The following CSMD2 variants were observed in gnomAD, a reference collection of about 807,000 sequenced individuals.
CSMD2 encodes the protein CUB and Sushi multiple domains 2.
Under a neutral mutation model 398.5 loss-of-function variants are expected in CSMD2, and 130 were observed. The observed-to-expected ratio is 0.33, with a 90% confidence interval of 0.28 to 0.38. The LOEUF (loss-of-function observed/expected upper bound fraction) is 0.38, where lower values mean the gene tolerates loss of function less well. CSMD2 is among the 10% of genes least tolerant of loss of function. The probability of loss-of-function intolerance (pLI) is 1.00; values close to 1 mark genes in which losing one functional copy is unlikely to be tolerated. For missense variants in CSMD2, 3,829 were observed against 4,764.9 expected (o/e 0.80, Z 5.78); for synonymous variants, 1,828 against 1,908.5 (o/e 0.96, Z 1.10).
At chr1:33,622,672 A>G (rs2148876734) in intron 36 of CSMD2, among the ~76,000 whole-genome samples, 1 of 152,320 alleles carries the variant, frequency 6.6e-6, no homozygotes, top group South Asian at 2.1e-4. Context: ...GGCCTAAAAG[A>G]TTCAGATAAT....
At chr1:33,577,972 G>A (rs1345282756) in intron 48 of CSMD2, among the ~76,000 whole-genome samples, 1 of 152,138 alleles carries the variant, frequency 6.6e-6, no homozygotes, top group Non-Finnish European at 1.5e-5. Context: ...TGTAAATTGG[G>A]ACTGGTAATA....
At chr1:34,038,408 T>G (rs1007015277) in intron 2 of CSMD2, among the ~76,000 whole-genome samples, 1 of 152,220 alleles carries the variant, frequency 6.6e-6, no homozygotes, top group Admixed American at 6.5e-5. Context: ...ACAGGTGGCA[T>G]AGCCAAACGT....
At chr1:33,780,689 C>T (rs1652631784) in intron 12 of CSMD2, among the ~76,000 whole-genome samples, 1 of 152,342 alleles carries the variant, frequency 6.6e-6, no homozygotes, top group South Asian at 2.1e-4. Flanking sequence ...TTTGCCAGCC[C>T]AGCCTCCAGG....
At chr1:34,041,526 T>C (rs1372945198) in intron 2 of CSMD2, among the ~76,000 whole-genome samples, 3 of 152,254 alleles carry the variant, frequency 2.0e-5, no homozygotes, top group Admixed American at 2.0e-4. Flanking sequence ...CTCATTTTCT[T>C]ACTCCAGGAG....
In CSMD2 at chr1:33,586,538, G is replaced by A; in HGVS notation, c.7017C>T (p.Tyr2339=). ...TCGGGGGTGGTCCTTCAAACTGCAG[G>A]TAGGTTCCAAGTTTGCAGGTCAGAA... ...NEILTCKLGT[Y]LQFEGPPPIC... The change falls in exon 46 of 71, where the codon TAC becomes TAT. Residue 2339 remains tyrosine (Y), a synonymous_variant. Transcript: ENST00000373381. 1 of 1,613,702 alleles carries A rather than the reference G, an allele frequency of 6.2e-7. No individual in the cohort carries two copies. The highest frequency in any genetic ancestry group is 8.5e-7 in the Non-Finnish European group (1 of 1,179,700).
At chr1:34,156,131 C>T (rs985550207) in intron 1 of CSMD2, among the ~76,000 whole-genome samples, 4 of 152,194 alleles carry the variant, frequency 2.6e-5, no homozygotes, top group Admixed American at 1.3e-4. Flanking sequence ...TGTCTGTTTT[C>T]GTGCTAGGAA....
chr1:33,566,610 C>T (rs190505490), intron 53 of CSMD2, among the ~76,000 whole-genome samples: 1 of 152,232 alleles, frequency 6.6e-6, no homozygotes, highest in Admixed American at 6.5e-5. Flanking sequence ...AAAGGTGCAT[C>T]AGGCAAAAGA....
chr1:33,625,139 G>T lies in CSMD2; in HGVS notation c.5412C>A (p.Gly1804=), dbSNP rs199893149. 2.4e-4 allele frequency: 385 copies of T among 1,614,126 alleles called. No homozygotes were observed. Among genetic ancestry groups the T allele is most frequent in the Non-Finnish European group, 3.2e-4 (375 of 1,180,014 alleles). ...TCTCTGGCGACCCCTGCAGGGCATA[G>T]CCGGAGTTGCATTCGAAGCGGACGA... ...GAIVRFECNS[G]YALQGSPEIE... Residue 1804 remains glycine (G), a synonymous_variant, in exon 34 of 71, where the codon GGC becomes GGA. Coordinates refer to ENST00000373381, the MANE Select transcript of CSMD2 (RefSeq NM_001281956.2).
At chr1:33,979,242 G>A (rs1188811647) in intron 3 of CSMD2, among the ~76,000 whole-genome samples, 8 of 152,292 alleles carry the variant, frequency 5.3e-5, no homozygotes, top group East Asian at 1.9e-4. Context: ...ACCTGGCCCC[G>A]TCACAGCTGC....
Position 33,698,873 on chromosome 1 carries a change from A to G in CSMD2, c.3805T>C (p.Phe1269Leu). 6.2e-7 allele frequency: 1 copy of G among 1,614,162 alleles called. No homozygotes were observed. The highest frequency in any genetic ancestry group is 8.5e-7 in the Non-Finnish European group (1 of 1,180,012). Residue 1269 changes from phenylalanine to leucine, a missense_variant, in exon 24 of 71, where the codon TTT (phenylalanine) becomes CTT (leucine). Coordinates refer to ENST00000373381, the MANE Select transcript of CSMD2 (RefSeq NM_001281956.2). The stretch of plus-strand genomic sequence containing the variant: ...CTGAAGGACACGGAGCTCCCTGCAA[A>G]ATGACCTTCATCATGAACCTTGTAG... The part of the protein sequence containing the change: ...FGYKVHDEGH[F>L]AGSSVSFSCD...
intron 1 of CSMD2, among the ~76,000 whole-genome samples, chr1:34,100,766 A>G (rs1160079800): frequency 6.6e-6 from 1 of 152,212 alleles, no homozygotes; most frequent in Non-Finnish European, 1.5e-5. Context: ...GTTCCATTGT[A>G]AATAAGACCT....
At chr1:33,535,745 C>A (rs1213032253) in intron 62 of CSMD2, among the ~76,000 whole-genome samples, 2 of 152,160 alleles carry the variant, frequency 1.3e-5, no homozygotes, top group African/African-American at 4.8e-5. Flanking sequence ...CTTTCCAGGC[C>A]CCCAGGCTGC....
rs201938597 is a variant in CSMD2, at chr1:33,624,489, T to G, written c.5625+30A>C. 2.6e-5 allele frequency: 42 copies of G among 1,610,024 alleles called. No individual in the cohort carries two copies. Among genetic ancestry groups the G allele is most frequent in the Non-Finnish European group, 3.3e-5 (39 of 1,177,704 alleles). On this transcript the variant is annotated intron_variant, in intron 35 of 70. Transcript: ENST00000373381. The surrounding 1 kb of genome is among the most constrained non-coding windows in gnomAD (Gnocchi z 4.7). ...TGTTACCTGGGAGCAGACGGCCACCTGCCCGACCGAGGCGCCCCCTTGCCC... is the reference window on the plus strand; with the variant it reads ...TGTTACCTGGGAGCAGACGGCCACCGGCCCGACCGAGGCGCCCCCTTGCCC...
intron 6 of CSMD2, among the ~76,000 whole-genome samples, chr1:33,830,070 T>C (rs1049468524): frequency 1.3e-5 from 2 of 152,196 alleles, no homozygotes; most frequent in African/African-American, 4.8e-5. Context: ...AGGCTCCACC[T>C]CTGGGGGCAG....
chr1:33,573,741 G>A (rs1324265140), intron 49 of CSMD2, among the ~76,000 whole-genome samples: 1 of 152,202 alleles, frequency 6.6e-6, no homozygotes, highest in East Asian at 1.9e-4. Context: ...AAGTGGATGG[G>A]ATGGAATTAT....
intron 42 of CSMD2, among the ~76,000 whole-genome samples, chr1:33,604,970 T>A (rs1210698231): frequency 6.6e-6 from 1 of 152,196 alleles, no homozygotes; most frequent in Non-Finnish European, 1.5e-5. Flanking sequence ...CTCCCTCACA[T>A]GGAGCCTTCC....
At chr1:33,987,777 C>T (rs1467865559) in intron 3 of CSMD2, among the ~76,000 whole-genome samples, 1 of 152,184 alleles carries the variant, frequency 6.6e-6, no homozygotes, top group Non-Finnish European at 1.5e-5. Context: ...CTATTCCAGA[C>T]CTGCTCTTCC....
intron 6 of CSMD2, 33 bp from the exon 7 acceptor site, chr1:33,825,807 G>C: frequency 1.9e-6 from 3 of 1,563,032 alleles, no homozygotes; most frequent in Non-Finnish European, 2.6e-6. Flanking sequence ...AACAATGTGA[G>C]TTGTTGCCTG....
At chr1:33,932,755 T>C (rs907577040) in intron 4 of CSMD2, among the ~76,000 whole-genome samples, 7 of 152,310 alleles carry the variant, frequency 4.6e-5, no homozygotes, top group African/African-American at 1.7e-4. Context: ...GAGTGTCTTA[T>C]AGAATGAGAG....
Sources: allele counts gnomAD v4.1 joint callset (sites outside exome capture counted in the v4.1 genomes callset), GRCh38; gene constraint gnomAD v4.1.1; non-coding constraint Gnocchi (gnomAD v3.1); transcripts MANE v1.5; gene names NCBI Gene and HGNC (gene_info 2026-07-23, HGNC 2026-07-21).